Variants in CERT1 observed in about 807,000 individuals in gnomAD.
The protein encoded by CERT1 is ceramide transporter 1.
CERT1 carries 31 observed loss-of-function variants against 87.9 expected under a neutral mutation model. The observed-to-expected ratio is 0.35, with a 90% CI of 0.27 to 0.48. The LOEUF is 0.48. Ranked by LOEUF, CERT1 falls within the 20% of genes least tolerant of loss-of-function variation. The pLI is 0.99. For synonymous variants in CERT1, 289 were observed against 250.9 expected (o/e 1.15, Z -1.44); for missense variants, 487 against 758.0 (o/e 0.64, Z 4.20).
intron 7 of CERT1, among the ~76,000 whole-genome samples, chr5:75,416,428 T>C (rs1415885771): frequency 3.3e-5 from 5 of 152,138 alleles, no homozygotes; most frequent in Non-Finnish European, 5.9e-5. Flanking sequence ...ATAGGGCAAA[T>C]GCTCAAACAA....
chr5:75,495,427 G>A (rs917371748), intron 2 of CERT1, among the ~76,000 whole-genome samples: 11 of 151,978 alleles, frequency 7.2e-5, no homozygotes, highest in Non-Finnish European at 1.0e-4. Context: ...GCATGGTGGC[G>A]CATGCCTGTA....
intron 9 of CERT1, chr5:75,401,722 C>T (rs557093824): frequency 1.4e-4 from 21 of 152,136 alleles, no homozygotes; most frequent in Admixed American, 3.3e-4. Flanking sequence ...AAAAAAATAA[C>T]GAAAGATACA....
At chr5:75,510,686 G>A (rs898133716) in intron 1 of CERT1, among the ~76,000 whole-genome samples, 2 of 152,126 alleles carry the variant, frequency 1.3e-5, no homozygotes, top group Non-Finnish European at 2.9e-5. Context: ...TGTCGAAAGA[G>A]TTGCGTCCGC....
intron 2 of CERT1, among the ~76,000 whole-genome samples, chr5:75,500,961 C>T (rs1326417779): frequency 1.3e-5 from 2 of 151,236 alleles, no homozygotes; most frequent in South Asian, 2.1e-4. Context: ...ACTTCCTTCC[C>T]TTGCTTTTAT....
intron 2 of CERT1, among the ~76,000 whole-genome samples, chr5:75,473,515 A>T (rs558909563): frequency 2.0e-5 from 3 of 152,326 alleles, no homozygotes; most frequent in East Asian, 1.9e-4. Context: ...GTAGAATCTT[A>T]AAAAAGTTGA....
intron 2 of CERT1, among the ~76,000 whole-genome samples, chr5:75,483,150 A>G (rs1228551071): frequency 6.6e-6 from 1 of 152,206 alleles, no homozygotes; most frequent in Non-Finnish European, 1.5e-5. Flanking sequence ...ATAAACAGAG[A>G]AGAAATTCAG....
chr5:75,403,819 A>C (rs1762599561), intron 8 of CERT1, among the ~76,000 whole-genome samples: 1 of 152,210 alleles, frequency 6.6e-6, no homozygotes, highest in African/African-American at 2.4e-5. Context: ...GTAGGTCTTC[A>C]GTGGAACCTT....
chr5:75,395,881 A>AAACAACAAC (rs530981055), intron 11 of CERT1, among the ~76,000 whole-genome samples: 1 of 151,670 alleles, frequency 6.6e-6, no homozygotes, highest in African/African-American at 2.4e-5. Flanking sequence ...ATGAAAAAAC[A>AAACAACAAC]AACAACAACA....
intron 3 of CERT1, among the ~76,000 whole-genome samples, chr5:75,431,409 C>G (rs1256379756): frequency 6.6e-6 from 1 of 152,184 alleles, no homozygotes; most frequent in Non-Finnish European, 1.5e-5. Context: ...TCCAGACTTA[C>G]TACACTGAAG....
At chr5:75,426,627 G>A (rs113582111) in intron 3 of CERT1, 149 bp from the exon 4 acceptor site, 158 of 583,794 alleles carry the variant, frequency 2.7e-4, no homozygotes, top group Middle Eastern at 2.6e-3. Context: ...CATAAGCAAT[G>A]CCTTTCAATT....
intron 2 of CERT1, among the ~76,000 whole-genome samples, chr5:75,470,094 C>A (rs1204563794): frequency 5.3e-5 from 8 of 152,072 alleles, no homozygotes; most frequent in Admixed American, 1.3e-4. Context: ...AAAGACTACA[C>A]ACAATAATAG....
chr5:75,407,705 C>T (rs1333526141), intron 8 of CERT1, among the ~76,000 whole-genome samples: 1 of 152,118 alleles, frequency 6.6e-6, no homozygotes, highest in Non-Finnish European at 1.5e-5. Context: ...CCAGGTCTCA[C>T]TAAACAACCA....
Position 75,378,909 on chromosome 5 carries a change from T to C in CERT1, c.*437A>G, listed in dbSNP as rs1250895662. The C allele has an allele frequency of 3.3e-5, 5 of 153,224 alleles. No homozygotes were observed. The highest frequency in any genetic ancestry group is 9.6e-5 in the African/African-American group (4 of 41,482). The allele number at this position is 153,224 out of a possible 1,614,324, so 9.5% of individuals were successfully genotyped here. On this transcript the variant is annotated 3_prime_UTR_variant, in exon 17 of 17. Transcript: ENST00000643780. ...CTACAATTTTCAAGGCCAGGCACGGTGGCTCATGTCTGTAATCCCAGCACT... is the reference window on the plus strand; with the variant it reads ...CTACAATTTTCAAGGCCAGGCACGGCGGCTCATGTCTGTAATCCCAGCACT...
At chr5:75,446,831 C>T (rs1021955353) in intron 3 of CERT1, among the ~76,000 whole-genome samples, 3 of 152,148 alleles carry the variant, frequency 2.0e-5, no homozygotes, top group African/African-American at 7.2e-5. Context: ...ATGTCCTAGT[C>T]TTTAATGTCT....
chr5:75,447,106 G>A (rs1181836366), intron 3 of CERT1, among the ~76,000 whole-genome samples: 2 of 152,188 alleles, frequency 1.3e-5, no homozygotes, highest in Non-Finnish European at 2.9e-5. Flanking sequence ...TGCCTGCCAC[G>A]GGGCTGGGAT....
intron 3 of CERT1, among the ~76,000 whole-genome samples, chr5:75,456,881 C>T (rs1329935404): frequency 6.6e-6 from 1 of 152,078 alleles, no homozygotes; most frequent in Admixed American, 6.6e-5. Context: ...GTGCATTAAT[C>T]TTCACTAAAG....
intron 8 of CERT1, among the ~76,000 whole-genome samples, chr5:75,405,016 AAACAAC>A (rs61610976): frequency 3.7e-4 from 56 of 151,856 alleles, no homozygotes; most frequent in African/African-American, 1.1e-3. Context: ...ACTCAGTCTC[AAACAAC>A]AACAACAACA....
chr5:75,501,210 C>G (rs74722057), intron 2 of CERT1, among the ~76,000 whole-genome samples: 3,948 of 152,198 alleles, frequency 0.026, 145 homozygotes, highest in African/African-American at 0.085. Context: ...TTTCCAAGAT[C>G]TTTCAACTTC....
chr5:75,447,445 AATTT>A (rs376050463), intron 3 of CERT1, among the ~76,000 whole-genome samples: 2,419 of 149,004 alleles, frequency 0.016, 68 homozygotes, highest in African/African-American at 0.055. Flanking sequence ...TTTTAAAAAA[AATTT>A]ATTTATTTAT....
Sources: gnomAD v4.1 joint callset for allele counts (sites outside exome capture counted in the v4.1 genomes callset) on GRCh38, gnomAD v4.1.1 for gene constraint, MANE v1.5 for transcripts, NCBI Gene and HGNC (gene_info 2026-07-23, HGNC 2026-07-21) for gene names.